Variants in JAKMIP3 observed in about 807,000 individuals in gnomAD.
JAKMIP3 encodes the protein janus kinase and microtubule-interacting protein 3.
Under a neutral mutation model 118.5 loss-of-function variants are expected in JAKMIP3, and 58 were observed. The observed-to-expected ratio is 0.49, with a 90% CI of 0.40 to 0.61. The LOEUF (loss-of-function observed/expected upper bound fraction) is 0.61. Among genes scored for constraint, JAKMIP3 ranks in the 20% least tolerant of loss-of-function variants. The probability of loss-of-function intolerance (pLI) is 0.00; values close to 1 mark genes in which losing one functional copy is unlikely to be tolerated. For synonymous variants in JAKMIP3, 486 were observed against 451.2 expected (o/e 1.08, Z -0.98); for missense variants, 950 against 1,109.0 (o/e 0.86, Z 2.04).
At chr10:132,040,841 G>C (rs1206507644) in intron 1 of JAKMIP3, among the ~76,000 whole-genome samples, 1 of 152,036 alleles carries the variant, frequency 6.6e-6, no homozygotes, top group South Asian at 2.1e-4. Context: ...TCTGTTGAGA[G>C]CTCCCACTTC....
intron 2 of JAKMIP3, among the ~76,000 whole-genome samples, chr10:132,108,976 T>TATGCAAATGTATATATACATATAC (rs1564907942): frequency 1.5e-5 from 2 of 130,174 alleles, no homozygotes; most frequent in African/African-American, 6.6e-5. Context: ...ATAAATTATA[T>TATGCAAATGTATATATACATATAC]ACGCAAATGT....
In JAKMIP3 at chr10:132,104,787, C is replaced by A; in HGVS notation, c.-22C>A. ...CCGGAGCACCCTACCCCTGGGCATC[C>A]CCCTGGCCATCCAGCCTCACCATGT... On this transcript the variant is annotated 5_prime_UTR_variant, in exon 2 of 24. Coordinates refer to ENST00000684848, the MANE Select transcript of JAKMIP3 (RefSeq NM_001323087.2). 2 of 1,547,342 alleles carry A rather than the reference C, an allele frequency of 1.3e-6. No individual in the cohort carries two copies. The highest frequency in any genetic ancestry group is 1.7e-6 in the Non-Finnish European group (2 of 1,144,778).
chr10:132,120,349 CG>C, intron 3 of JAKMIP3, among the ~76,000 whole-genome samples: 1 of 152,252 alleles, frequency 6.6e-6, no homozygotes, highest in South Asian at 2.1e-4. Context: ...ATCCCATCCG[CG>C]GTGTGACTCG....
At chr10:132,137,360 G>T in intron 8 of JAKMIP3, 71 bp downstream of exon 8, 1 of 1,579,494 alleles carries the variant, frequency 6.3e-7, no homozygotes, top group Non-Finnish European at 8.7e-7. Context: ...CCCATTCTGT[G>T]CCCAGGGCTC....
At chr10:132,106,887 T>G (rs10870254) in intron 2 of JAKMIP3, among the ~76,000 whole-genome samples, 7,613 of 152,092 alleles carry the variant, frequency 0.05, 382 homozygotes, top group East Asian at 0.2. Context: ...AATATAACAA[T>G]TATCTTTTTT....
Position 132,180,592 on chromosome 10 carries a change from T to TGC in JAKMIP3, c.*1104-1764_*1104-1763insCG, listed in dbSNP as rs1334619170. 9.2e-4 allele frequency among the ~76,000 whole-genome samples: 21 copies of TGC among 22,762 alleles called. 4 individuals carry two copies. Among genetic ancestry groups the TGC allele is most frequent in the African/African-American group, 2.1e-3 (16 of 7,782 alleles). 14.9% of individuals were successfully genotyped at this position (22,762 alleles called of 152,430 possible). On this transcript the variant is annotated intron_variant, in intron 23 of 23. Transcript: ENST00000684848. Reference sequence around the variant, plus strand: ...GCGTGTGTGTGTGCGTGCGCGTGTGTGTGTGCGTGCGCGTGTGTGTGTGCG... The same window carrying TGC: ...GCGTGTGTGTGTGCGTGCGCGTGTGTGCGTGTGCGTGCGCGTGTGTGTGTGCG...
intron 1 of JAKMIP3, among the ~76,000 whole-genome samples, chr10:132,101,311 G>T (rs995989707): frequency 2.0e-5 from 3 of 152,094 alleles, no homozygotes; most frequent in Non-Finnish European, 2.9e-5. Context: ...TGATTGCCCC[G>T]CTGCTCTCCA....
In JAKMIP3 at chr10:132,044,226, C is replaced by T. The variant is rs2037843181; in HGVS notation, c.-138+7488C>T. On this transcript the variant is annotated intron_variant, in intron 1 of 23. Coordinates refer to the JAKMIP3 transcript ENST00000657785. The surrounding 1 kb of genome is among the most constrained non-coding windows in gnomAD (Gnocchi z 5.3). ...CTCGCCACAGCTCCTGCTCCAGTGC[C>T]CTTAGCAAACATTTCCTAGACACGT... Among the ~76,000 whole-genome samples, 1 of 152,236 alleles carries T rather than the reference C, an allele frequency of 6.6e-6. No individual in the cohort carries two copies. Among genetic ancestry groups the T allele is most frequent in the Admixed American group, 6.5e-5 (1 of 15,286 alleles).
At chr10:132,149,277 C>A (rs1309756846) in intron 14 of JAKMIP3, 135 bp from the exon 15 acceptor site, 2 of 613,042 alleles carry the variant, frequency 3.3e-6, no homozygotes, top group Non-Finnish European at 5.7e-6. Flanking sequence ...GCTGCCGCTG[C>A]GGTTTGGTTT....
intron 3 of JAKMIP3, among the ~76,000 whole-genome samples, chr10:132,131,912 C>T (rs1306961336): frequency 6.6e-6 from 1 of 152,152 alleles, no homozygotes; most frequent in Non-Finnish European, 1.5e-5. Flanking sequence ...GGGAAGCCCC[C>T]GAATCCTGCC....
Position 132,180,616 on chromosome 10 carries a change from C to CGCGCGT in JAKMIP3, c.*1104-1740_*1104-1739insCGCGTG, listed in dbSNP as rs1565019276. Among the ~76,000 whole-genome samples, 3 of 14,612 alleles carry CGCGCGT rather than the reference C, an allele frequency of 2.1e-4. 1 individual carries two copies. Among genetic ancestry groups the CGCGCGT allele is most frequent in the African/African-American group, 1.2e-3 (3 of 2,554 alleles). 9.6% of individuals were successfully genotyped at this position (14,612 alleles called of 152,430 possible). On this transcript the variant is annotated intron_variant, in intron 23 of 23. Coordinates refer to ENST00000684848, the MANE Select transcript of JAKMIP3 (RefSeq NM_001323087.2). ...GTGTGTGCGTGCGCGTGTGTGTGTGCGTGTGTGTGCGTGTGTGCGTGCGTG... is the reference window on the plus strand; with the variant it reads ...GTGTGTGCGTGCGCGTGTGTGTGTGCGCGCGTGTGTGTGTGCGTGTGTGCGTGCGTG...
chr10:132,115,194 A>G (rs2047436548), intron 2 of JAKMIP3, among the ~76,000 whole-genome samples: 1 of 94,766 alleles, frequency 1.1e-5, no homozygotes, highest in South Asian at 2.6e-4. Context: ...CTGGCAGGTC[A>G]CCGCGATCGC....
intron 3 of JAKMIP3, among the ~76,000 whole-genome samples, chr10:132,132,275 T>A (rs1264858109): frequency 6.6e-6 from 1 of 152,208 alleles, no homozygotes; most frequent in Non-Finnish European, 1.5e-5. Context: ...CAGCAAGATA[T>A]CCCATTCTGC....
At chr10:132,069,586 C>T (rs756898186) in intron 1 of JAKMIP3, among the ~76,000 whole-genome samples, 3 of 152,034 alleles carry the variant, frequency 2.0e-5, no homozygotes, top group Non-Finnish European at 4.4e-5. Flanking sequence ...TCCCCCCCTG[C>T]GTGCAGGTCT....
At chr10:132,163,692 C>T (rs574620386) in intron 20 of JAKMIP3, among the ~76,000 whole-genome samples, 88 of 152,356 alleles carry the variant, frequency 5.8e-4, no homozygotes, top group African/African-American at 2.0e-3. Flanking sequence ...CTGATGGCCA[C>T]ACCCCTGGTG....
Position 132,112,457 on chromosome 10 carries a change from C to T in JAKMIP3, c.136-4620C>T, listed in dbSNP as rs575567379. ...TGCCTGCTTCCAGAACATTCCATCC[C>T]GCCTCTGTTCTTTCGGGCTGTTAGG... On this transcript the variant is annotated intron_variant, in intron 2 of 23. Transcript: ENST00000684848. The surrounding 1 kb of genome is among the most constrained non-coding windows in gnomAD (Gnocchi z 4.3). Among the ~76,000 whole-genome samples, 12 of 152,284 alleles carry T rather than the reference C, an allele frequency of 7.9e-5. No individual in the cohort carries two copies. In the South Asian group the frequency reaches 1.2e-3, roughly 16 times the overall value.
chr10:132,167,467 C>T (rs966763025), intron 22 of JAKMIP3, among the ~76,000 whole-genome samples: 9 of 152,268 alleles, frequency 5.9e-5, no homozygotes, highest in African/African-American at 1.9e-4. Flanking sequence ...AGCACAAGCT[C>T]GGGCGGTGCT....
chr10:132,166,735 A>G (rs1276771340), intron 21 of JAKMIP3, among the ~76,000 whole-genome samples: 1 of 152,044 alleles, frequency 6.6e-6, no homozygotes, highest in East Asian at 1.9e-4. Context: ...GCCCCTGACC[A>G]GCGCCCACCA....
chr10:132,134,909 TC>T, intron 4 of JAKMIP3, 131 bp from the exon 5 acceptor site: 1 of 1,184,880 alleles, frequency 8.4e-7, no homozygotes, highest in Non-Finnish European at 1.2e-6. Flanking sequence ...CTCCGAACCT[TC>T]CCGGCAGCCG....
Sources: allele counts gnomAD v4.1 joint callset (sites outside exome capture counted in the v4.1 genomes callset), GRCh38; gene constraint gnomAD v4.1.1; non-coding constraint Gnocchi (gnomAD v3.1); transcripts MANE v1.5; gene names NCBI Gene and HGNC (gene_info 2026-07-23, HGNC 2026-07-21).